The following NEGR1 variants were observed in gnomAD, a reference collection of about 807,000 sequenced individuals.
The protein encoded by NEGR1 is neuronal growth regulator 1.
NEGR1 carries 10 observed loss-of-function variants against 40.9 expected under a neutral mutation model. The observed-to-expected ratio is 0.24, with a 90% confidence interval of 0.15 to 0.42. The LOEUF (loss-of-function observed/expected upper bound fraction) is 0.42. NEGR1 is among the 10% of genes least tolerant of loss of function. NEGR1 has a pLI of 1.00. For missense variants in NEGR1, 352 were observed against 438.9 expected, an observed-to-expected ratio of 0.80 and a Z score of 1.77; for synonymous variants, 185 against 166.8, an observed-to-expected ratio of 1.11 and a Z score of -0.84.
intron 4 of NEGR1, among the ~76,000 whole-genome samples, chr1:71,649,044 T>C (rs1651622376): frequency 6.6e-6 from 1 of 152,094 alleles, no homozygotes; most frequent in Non-Finnish European, 1.5e-5. Context: ...TTCTGAATTT[T>C]ACCATTCTCT....
At chr1:71,998,364 C>A (rs985947363) in intron 1 of NEGR1, among the ~76,000 whole-genome samples, 2 of 151,838 alleles carry the variant, frequency 1.3e-5, no homozygotes, top group South Asian at 4.1e-4. Flanking sequence ...AAAAACAATT[C>A]TATTATATAC....
At chr1:72,235,985 T>C (rs1038426803) in intron 1 of NEGR1, among the ~76,000 whole-genome samples, 1 of 152,084 alleles carries the variant, frequency 6.6e-6, no homozygotes, top group African/African-American at 2.4e-5. Context: ...CATGCAAATG[T>C]ATGTTTATTG....
At chr1:71,559,026 T>TATAC (rs1648352884) in intron 6 of NEGR1, among the ~76,000 whole-genome samples, 1 of 116,258 alleles carries the variant, frequency 8.6e-6, no homozygotes, top group African/African-American at 3.0e-5. Flanking sequence ...TGTGTATATA[T>TATAC]ATATATATAT....
chr1:71,719,734 G>A (rs2783049), intron 3 of NEGR1, among the ~76,000 whole-genome samples: 2,904 of 151,848 alleles, frequency 0.019, 90 homozygotes, highest in African/African-American at 0.066. Context: ...CCATCAACTC[G>A]TCATTTACAT....
chr1:72,069,564 T>C (rs952838667), intron 1 of NEGR1, among the ~76,000 whole-genome samples: 6 of 152,134 alleles, frequency 3.9e-5, no homozygotes, highest in African/African-American at 1.4e-4. Context: ...GTGAAATGGA[T>C]ATCCACTATC....
chr1:71,758,673 T>G (rs1655826923), intron 3 of NEGR1, among the ~76,000 whole-genome samples: 1 of 152,156 alleles, frequency 6.6e-6, no homozygotes, highest in Admixed American at 6.5e-5. Context: ...ATTGATATAG[T>G]ACTCTATTAC....
chr1:72,255,241 T>C lies in NEGR1; in HGVS notation c.176+27078A>G, dbSNP rs1655228208. ...ATTATGCACACCATTACTAGTAGAC[T>C]TTCATTTACTGCAGAGTATTTTATT... is the stretch of plus-strand genomic sequence containing the variant. On this transcript the variant is annotated intron_variant, in intron 1 of 6. Transcript: ENST00000357731. Among the ~76,000 whole-genome samples, 3 of 152,200 alleles carry C rather than the reference T, an allele frequency of 2.0e-5. No individual in the cohort carries two copies. In the South Asian group the frequency reaches 6.2e-4, roughly 32 times the overall value.
intron 3 of NEGR1, among the ~76,000 whole-genome samples, chr1:71,721,219 C>T (rs112467771): frequency 0.018 from 2,743 of 152,224 alleles, 83 homozygotes; most frequent in African/African-American, 0.063. Flanking sequence ...TCTTTGAAAA[C>T]TTACAAAAAG....
At chr1:72,123,348 G>GAA (rs974563065) in intron 1 of NEGR1, among the ~76,000 whole-genome samples, 1 of 147,462 alleles carries the variant, frequency 6.8e-6, no homozygotes. Context: ...CATGTAGAAA[G>GAA]AAAAAAAAAA....
chr1:71,865,006 G>A (rs1660071197), intron 2 of NEGR1, among the ~76,000 whole-genome samples: 1 of 152,106 alleles, frequency 6.6e-6, no homozygotes, highest in African/African-American at 2.4e-5. Flanking sequence ...GTTCATTGAG[G>A]CAGTTTTTAG....
chr1:72,073,531 A>G (rs1214402407), intron 1 of NEGR1, among the ~76,000 whole-genome samples: 3 of 152,124 alleles, frequency 2.0e-5, no homozygotes, highest in Admixed American at 6.6e-5. Context: ...GGACTTTGTA[A>G]TTATAATTAC....
At chr1:72,221,774 T>C (rs1156594562) in intron 1 of NEGR1, among the ~76,000 whole-genome samples, 3 of 145,556 alleles carry the variant, frequency 2.1e-5, no homozygotes, top group African/African-American at 7.7e-5. Flanking sequence ...CTATAAATAG[T>C]TTTCTAAAGC....
intron 5 of NEGR1, among the ~76,000 whole-genome samples, chr1:71,604,983 T>C (rs1353495757): frequency 6.6e-6 from 1 of 152,150 alleles, no homozygotes; most frequent in Non-Finnish European, 1.5e-5. Context: ...ATATCGATAA[T>C]TTTAATGTCT....
intron 1 of NEGR1, among the ~76,000 whole-genome samples, chr1:72,174,115 TG>T (rs1258244999): frequency 6.6e-6 from 1 of 152,200 alleles, no homozygotes; most frequent in Non-Finnish European, 1.5e-5. Flanking sequence ...ATTTTATTTA[TG>T]CTTTTAAATT....
At chr1:71,778,240 A>G (rs920295970) in intron 2 of NEGR1, among the ~76,000 whole-genome samples, 45 of 152,190 alleles carry the variant, frequency 3.0e-4, no homozygotes, top group African/African-American at 9.4e-4. Flanking sequence ...CAATGGTTCA[A>G]TTATAATGTT....
At chr1:71,897,109 A>G (rs1447998112) in intron 2 of NEGR1, among the ~76,000 whole-genome samples, 1 of 152,068 alleles carries the variant, frequency 6.6e-6, no homozygotes, top group African/African-American at 2.4e-5. Context: ...GTAGTTGCTG[A>G]GTATTCTTCT....
At chr1:72,092,876 T>G (rs2100546709) in intron 1 of NEGR1, among the ~76,000 whole-genome samples, 1 of 152,230 alleles carries the variant, frequency 6.6e-6, no homozygotes. Context: ...GGTCTCAAAT[T>G]TCTGGGTTCA....
chr1:71,487,523 C>T (rs1646895197), intron 6 of NEGR1, among the ~76,000 whole-genome samples: 1 of 151,794 alleles, frequency 6.6e-6, no homozygotes, highest in South Asian at 2.1e-4. Context: ...GTCTTTCAAG[C>T]CTCTTTGAGT....
rs139796275 is a variant in NEGR1 at position 71,641,535 on chromosome 1, T to C, written c.668-30389A>G. 2.0e-4 allele frequency among the ~76,000 whole-genome samples: 30 copies of C among 152,166 alleles called. 1 individual carries two copies. The East Asian group carries it at 5.0e-3, about 26-fold the overall frequency. On this transcript the variant is annotated intron_variant, in intron 4 of 6. Coordinates refer to ENST00000357731, the MANE Select transcript of NEGR1 (RefSeq NM_173808.3). Reference sequence around the variant, plus strand: ...AGTTTTATTTGCAACCAAATGAGACTGAGGTGAACACAGAACCCTTGGGAG... The same window carrying C: ...AGTTTTATTTGCAACCAAATGAGACCGAGGTGAACACAGAACCCTTGGGAG...
Sources: allele counts gnomAD v4.1 joint callset (sites outside exome capture counted in the v4.1 genomes callset), GRCh38; gene constraint gnomAD v4.1.1; transcripts MANE v1.5; gene names NCBI Gene and HGNC (gene_info 2026-07-23, HGNC 2026-07-21).